GPC6: variants seen among roughly 807,000 people sequenced by gnomAD.
GPC6 encodes glypican-6.
A neutral mutation model predicts 55.2 loss-of-function variants in GPC6; 14 were observed. That is an observed-to-expected ratio of 0.25 (90% CI 0.17 to 0.40). The LOEUF is 0.40. GPC6 is among the 10% of genes least tolerant of loss of function. The pLI is 1.00. For synonymous variants in GPC6, 278 were observed against 259.6 expected, an observed-to-expected ratio of 1.07 and a Z score of -0.68; for missense variants, 641 against 708.5, an observed-to-expected ratio of 0.90 and a Z score of 1.08.
intron 4 of GPC6, among the ~76,000 whole-genome samples, chr13:94,032,205 C>T (rs1883167109): frequency 6.6e-6 from 1 of 152,134 alleles, no homozygotes; most frequent in African/African-American, 2.4e-5. Flanking sequence ...TAATTCAACT[C>T]ACTATATTGG....
chr13:94,393,443 ACTTAGATGAGTAAAACTCTTAAGCCTG>A (rs1215231367), intron 7 of GPC6, among the ~76,000 whole-genome samples: 3 of 152,222 alleles, frequency 2.0e-5, no homozygotes, highest in African/African-American at 7.2e-5. Flanking sequence ...ATTTACATCT[ACTTAGATGAGTAAAACTCTTAAGCCTG>A]CTTAACATGA....
intron 1 of GPC6, among the ~76,000 whole-genome samples, chr13:93,423,357 T>G (rs1355961783): frequency 6.6e-6 from 1 of 152,180 alleles, no homozygotes; most frequent in African/African-American, 2.4e-5. Context: ...TAGGATTCCA[T>G]GTTTATAAAA....
intron 1 of GPC6, among the ~76,000 whole-genome samples, chr13:93,250,123 G>A: frequency 6.6e-6 from 1 of 152,158 alleles, no homozygotes; most frequent in East Asian, 1.9e-4. Context: ...TTTTCCATCT[G>A]TAAACAGGGG....
chr13:94,065,216 T>C (rs964642313), intron 4 of GPC6, among the ~76,000 whole-genome samples: 9 of 152,098 alleles, frequency 5.9e-5, no homozygotes, highest in African/African-American at 2.2e-4. Flanking sequence ...CAATTTGCAA[T>C]GGAAAAGGAA....
At position 93,960,974 on chromosome 13, in the gene GPC6, G is replaced by A. The variant is rs553223266; in HGVS notation, c.712-66755G>A. On this transcript the variant is annotated intron_variant, in intron 3 of 8. Coordinates refer to ENST00000377047, the MANE Select transcript of GPC6 (RefSeq NM_005708.5). ...ACTACAGGCACCCGCCACCACGTCC[G>A]GCTAATTTTTTTGTATTTTTTAGTA... Among the ~76,000 whole-genome samples the A allele has an allele frequency of 3.1e-3, 477 of 151,932 alleles. 2 individuals carry two copies. Among genetic ancestry groups the A allele is most frequent in the Non-Finnish European group, 5.4e-3 (367 of 67,964 alleles).
At chr13:93,647,994 A>G (rs1277670238) in intron 2 of GPC6, among the ~76,000 whole-genome samples, 2 of 152,118 alleles carry the variant, frequency 1.3e-5, no homozygotes, top group Non-Finnish European at 2.9e-5. Flanking sequence ...AATGGGCTGT[A>G]AGGACTCCTT....
intron 4 of GPC6, among the ~76,000 whole-genome samples, chr13:94,038,570 C>T (rs1197944974): frequency 1.3e-5 from 2 of 151,894 alleles, no homozygotes; most frequent in African/African-American, 4.8e-5. Context: ...ACCTGTGTGA[C>T]TTAGGGAACA....
At chr13:94,348,358 C>T (rs561659989) in intron 6 of GPC6, among the ~76,000 whole-genome samples, 1 of 152,344 alleles carries the variant, frequency 6.6e-6, no homozygotes, top group African/African-American at 2.4e-5. Flanking sequence ...TAGACCAGCA[C>T]TTCTCCAAAG....
chr13:94,226,751 G>T (rs1484860745), intron 4 of GPC6, among the ~76,000 whole-genome samples: 7 of 152,126 alleles, frequency 4.6e-5, no homozygotes, highest in Non-Finnish European at 8.8e-5. Context: ...TTTCTCTGCT[G>T]AGAAAAACAA....
At chr13:94,090,869 T>C (rs138811526) in intron 4 of GPC6, among the ~76,000 whole-genome samples, 1 of 152,276 alleles carries the variant, frequency 6.6e-6, no homozygotes, top group East Asian at 1.9e-4. Flanking sequence ...TGCCAATATA[T>C]TGTAATGTTT....
intron 4 of GPC6, among the ~76,000 whole-genome samples, chr13:94,251,718 A>C (rs985353477): frequency 6.9e-6 from 1 of 144,178 alleles, no homozygotes; most frequent in African/African-American, 2.8e-5. Flanking sequence ...AAAGGCAAAA[A>C]AAAAAACAAA....
intron 8 of GPC6, among the ~76,000 whole-genome samples, chr13:94,400,551 T>C (rs1211333266): frequency 6.6e-6 from 1 of 152,154 alleles, no homozygotes; most frequent in African/African-American, 2.4e-5. Flanking sequence ...AAACCTAGTA[T>C]AGTGTATTGA....
chr13:94,226,196 G>A (rs1306059533), intron 4 of GPC6, among the ~76,000 whole-genome samples: 1 of 152,106 alleles, frequency 6.6e-6, no homozygotes, highest in East Asian at 1.9e-4. Flanking sequence ...TTAGCTTAGA[G>A]CAAGTTTATA....
intron 1 of GPC6, among the ~76,000 whole-genome samples, chr13:93,231,382 T>TATATATATATATATATATATATAC (rs1876033448): frequency 3.7e-5 from 1 of 26,786 alleles, no homozygotes; most frequent in Non-Finnish European, 6.5e-5. Flanking sequence ...TATATATACA[T>TATATATATATATATATATATATAC]ATATATATAT....
chr13:94,357,216 A>G (rs946077521), intron 6 of GPC6, among the ~76,000 whole-genome samples: 2 of 152,162 alleles, frequency 1.3e-5, no homozygotes, highest in Non-Finnish European at 2.9e-5. Context: ...CCTCTCCAAC[A>G]TATGCACTTT....
At chr13:94,058,639 A>T (rs1281780102) in intron 4 of GPC6, among the ~76,000 whole-genome samples, 1 of 152,230 alleles carries the variant, frequency 6.6e-6, no homozygotes, top group Admixed American at 6.5e-5. Flanking sequence ...AGCCTGGGGC[A>T]GTTCCTCTCT....
chr13:93,836,799 T>G (rs530585193), intron 3 of GPC6, among the ~76,000 whole-genome samples: 1 of 152,244 alleles, frequency 6.6e-6, no homozygotes, highest in Admixed American at 6.5e-5. Context: ...AAATAGATTA[T>G]TAAGATAAAT....
intron 3 of GPC6, among the ~76,000 whole-genome samples, chr13:93,853,222 C>T (rs1193741169): frequency 1.3e-5 from 2 of 151,670 alleles, no homozygotes; most frequent in African/African-American, 4.8e-5. Context: ...GGTTAAGTAA[C>T]ATCTATTTGT....
At chr13:94,080,703 G>T (rs901967251) in intron 4 of GPC6, among the ~76,000 whole-genome samples, 7 of 152,102 alleles carry the variant, frequency 4.6e-5, no homozygotes, top group African/African-American at 1.7e-4. Flanking sequence ...TGGCCACCCT[G>T]CTGTGTCCTC....
Sources: gnomAD v4.1 joint callset for allele counts (sites outside exome capture counted in the v4.1 genomes callset) on GRCh38, gnomAD v4.1.1 for gene constraint, MANE v1.5 for transcripts, NCBI Gene and HGNC (gene_info 2026-07-23, HGNC 2026-07-21) for gene names.